SH3RF1: variants seen among roughly 807,000 people sequenced by gnomAD.
SH3RF1 encodes E3 ubiquitin-protein ligase SH3RF1.
A neutral mutation model predicts 74.0 loss-of-function variants in SH3RF1; 32 were observed. The ratio of observed to expected loss-of-function variants is 0.43; its 90% confidence interval spans 0.33 to 0.58. SH3RF1 has a LOEUF of 0.58. Among genes scored for constraint, SH3RF1 ranks in the 20% least tolerant of loss-of-function variants. SH3RF1 has a pLI of 0.05. For missense variants in SH3RF1, 954 were observed against 1,130.9 expected (o/e 0.84, Z 2.24); for synonymous variants, 396 against 439.6 (o/e 0.90, Z 1.24).
At chr4:169,131,313 G>C (rs528241897) in intron 5 of SH3RF1, among the ~76,000 whole-genome samples, 1 of 152,254 alleles carries the variant, frequency 6.6e-6, no homozygotes, top group East Asian at 1.9e-4. Flanking sequence ...TTGAAACTAA[G>C]TAGATCCAGG....
chr4:169,227,721 G>A (rs756640130), intron 2 of SH3RF1, among the ~76,000 whole-genome samples: 8 of 152,176 alleles, frequency 5.3e-5, no homozygotes, highest in Non-Finnish European at 1.0e-4. Flanking sequence ...CTTACAGGTA[G>A]AAAGACCACA....
chr4:169,096,407 CT>C lies in SH3RF1; in HGVS notation c.*111del. The C allele has an allele frequency of 8.7e-7, 1 of 1,151,398 alleles. No individual in the cohort carries two copies. The highest frequency in any genetic ancestry group is 1.2e-6 in the Non-Finnish European group (1 of 807,054). The allele number at this position is 1,151,398 out of a possible 1,614,324, so 71.3% of individuals were successfully genotyped here. On this transcript the variant is annotated 3_prime_UTR_variant, in exon 12 of 12. Transcript: ENST00000284637. The stretch of plus-strand genomic sequence containing the variant: ...GGGGCATCAGAGTCACATACCAATC[CT>C]TTGCTCATCTCCTGACCATCTGGAA...
At chr4:169,118,047 T>C (rs1261362690) in intron 8 of SH3RF1, among the ~76,000 whole-genome samples, 2 of 152,186 alleles carry the variant, frequency 1.3e-5, no homozygotes, top group Non-Finnish European at 2.9e-5. Context: ...CAGCTTTCCA[T>C]AACAAGACCA....
rs6815055 is a variant in SH3RF1, at chr4:169,159,595, G to C, written c.394-2916C>G. Among the ~76,000 whole-genome samples, 1,239 of 152,214 alleles carry C rather than the reference G, an allele frequency of 8.1e-3. 22 individuals carry two copies. The highest frequency in any genetic ancestry group is 0.028 in the African/African-American group (1,179 of 41,534). On this transcript the variant is annotated intron_variant, in intron 2 of 11. Transcript: ENST00000284637. ...TCTTTCTTCATTTGGGCTGTTGTGA[G>C]GATTTAGTGAATTCATATATATAAG...
At chr4:169,182,439 C>G (rs542069472) in intron 2 of SH3RF1, among the ~76,000 whole-genome samples, 1 of 152,218 alleles carries the variant, frequency 6.6e-6, no homozygotes, top group South Asian at 2.1e-4. Flanking sequence ...TCAAAGCATT[C>G]TTAATTTCTT....
intron 9 of SH3RF1, among the ~76,000 whole-genome samples, chr4:169,116,858 A>G (rs968500872): frequency 1.3e-5 from 2 of 152,160 alleles, no homozygotes; most frequent in Non-Finnish European, 2.9e-5. Context: ...AGTGCCTGGA[A>G]GCTCAGTTTT....
At position 169,156,502 on chromosome 4, in the gene SH3RF1, T is replaced by A; in HGVS notation, c.571A>T (p.Ile191Phe). ...GFFPTNFVQI[I>F]KPLPQPPPQC... ...GGTGGGGGCTGAGGTAACGGTTTAA[T>A]AATCTGCACAAAGTTGGTGGGGAAA... Residue 191 changes from isoleucine (I) to phenylalanine (F), a missense_variant, in exon 3 of 12, where the codon ATT becomes TTT. Transcript: ENST00000284637. 6.2e-7 allele frequency: 1 copy of A among 1,614,142 alleles called. No homozygotes were observed. The highest frequency in any genetic ancestry group is 8.5e-7 in the Non-Finnish European group (1 of 1,179,996).
At position 169,163,785 on chromosome 4, in the gene SH3RF1, A is replaced by G. The variant is rs569365883; in HGVS notation, c.394-7106T>C. 3.9e-5 allele frequency among the ~76,000 whole-genome samples: 6 copies of G among 152,292 alleles called. No individual in the cohort carries two copies. In the South Asian group the frequency reaches 8.3e-4, roughly 21 times the overall value. The stretch of plus-strand genomic sequence containing the variant: ...TGCCATCTCTCCTCCACCAAAATTC[A>G]TCGAGAACAGTCCATTTCTCCCTCC... On this transcript the variant is annotated intron_variant, in intron 2 of 11. Transcript: ENST00000284637.
intron 2 of SH3RF1, among the ~76,000 whole-genome samples, chr4:169,225,592 T>G (rs1161113624): frequency 2.0e-5 from 3 of 152,182 alleles, no homozygotes; most frequent in Non-Finnish European, 4.4e-5. Context: ...GTCTGGAGAC[T>G]GTCAAGACTG....
Position 169,117,672 on chromosome 4 carries a change from A to C in SH3RF1, c.1628T>G (p.Leu543Arg). ...ACTCCCAGCCACGCCATTTCCCTGG[A>C]GCTTCTGGGCAGGCCCTCCTGCCGT... is the stretch of plus-strand genomic sequence containing the variant. ...PSTAGGPAQK[L>R]QGNGVAGSPS... Residue 543 changes from leucine to arginine, a missense_variant, in exon 9 of 12, where the codon CTC becomes CGC. Leu to Arg is a moderately radical substitution (Grantham distance 102). This residue lies in a region of SH3RF1 where 854 missense variants were observed against 962.5 expected (regional missense o/e 0.89). Transcript: ENST00000284637. 1.2e-6 allele frequency: 2 copies of C among 1,614,124 alleles called. No individual in the cohort carries two copies. The highest frequency in any genetic ancestry group is 2.2e-5 in the East Asian group (1 of 44,866).
intron 4 of SH3RF1, among the ~76,000 whole-genome samples, chr4:169,146,232 CT>C (rs70961576): frequency 0.047 from 6,294 of 132,534 alleles, 165 homozygotes; most frequent in African/African-American, 0.069. Flanking sequence ...TATATATATA[CT>C]TTTTTTTTTT....
rs1322404665 is a variant in SH3RF1 at position 169,185,298 on chromosome 4, G to C, written c.394-28619C>G. ...AACAGCCAAGAGAGAAACAGCGGTGGGAGGCAGTGATAGCCTGCCGCTACA... is the reference window on the plus strand; with the variant it reads ...AACAGCCAAGAGAGAAACAGCGGTGCGAGGCAGTGATAGCCTGCCGCTACA... On this transcript the variant is annotated intron_variant, in intron 2 of 11. Coordinates refer to ENST00000284637, the MANE Select transcript of SH3RF1 (RefSeq NM_020870.4). Among the ~76,000 whole-genome samples the C allele has an allele frequency of 2.0e-5, 3 of 152,106 alleles. No homozygotes were observed. The East Asian group carries it at 5.8e-4, about 29-fold the overall frequency.
Position 169,122,259 on chromosome 4 carries a change from T to C in SH3RF1, c.1187A>G (p.Asn396Ser). ...GAGAGGGGGTGGTGGAAGAGGAGGA[T>C]TCAAAGTCTAGTATAGGAAAAACAT... is the stretch of plus-strand genomic sequence containing the variant. ...VPYQAALGTL[N>S]PPLPPPPLLA... is the part of the protein sequence containing the mutation. The change falls in exon 7 of 12, where the codon AAT (asparagine) becomes AGT (serine). Residue 396 changes from asparagine (N) to serine (S), a missense_variant. Transcript: ENST00000284637. 1 of 1,591,324 alleles carries C rather than the reference T, an allele frequency of 6.3e-7. No homozygotes were observed. The highest frequency in any genetic ancestry group is 8.6e-7 in the Non-Finnish European group (1 of 1,167,872).
intron 2 of SH3RF1, among the ~76,000 whole-genome samples, chr4:169,253,685 T>C (rs1223971744): frequency 4.6e-5 from 7 of 152,208 alleles, no homozygotes; most frequent in Admixed American, 4.6e-4. Flanking sequence ...AATTACTTAG[T>C]ATACAGATGA....
intron 2 of SH3RF1, chr4:169,167,081 G>A (rs1667070330): frequency 5.8e-6 from 1 of 173,258 alleles, no homozygotes; most frequent in Admixed American, 6.2e-5. Context: ...TGTTTGCCCT[G>A]ACAAATAAAA....
At chr4:169,252,103 CTT>C (rs1387981456) in intron 2 of SH3RF1, among the ~76,000 whole-genome samples, 1 of 152,192 alleles carries the variant, frequency 6.6e-6, no homozygotes, top group East Asian at 1.9e-4. Context: ...GCAATTCACT[CTT>C]GTTTCAGGTT....
intron 2 of SH3RF1, among the ~76,000 whole-genome samples, chr4:169,246,485 T>C (rs556686202): frequency 2.0e-5 from 3 of 152,326 alleles, no homozygotes; most frequent in South Asian, 2.1e-4. Flanking sequence ...TCATGCTTAA[T>C]GGCCAAAAAA....
At chr4:169,100,145 C>T (rs1338670634) in intron 11 of SH3RF1, among the ~76,000 whole-genome samples, 1 of 152,172 alleles carries the variant, frequency 6.6e-6, no homozygotes, top group Non-Finnish European at 1.5e-5. Context: ...CTGCTCCACC[C>T]TCTGCCTCAC....
At chr4:169,117,375 C>CAG (rs1444545959) in intron 9 of SH3RF1, 148 bp downstream of exon 9, 1 of 1,137,296 alleles carries the variant, frequency 8.8e-7, no homozygotes, top group African/African-American at 1.6e-5. Context: ...CCCAAATAAG[C>CAG]AGATACAAGG....
Sources: allele counts gnomAD v4.1 joint callset (sites outside exome capture counted in the v4.1 genomes callset), GRCh38; gene constraint gnomAD v4.1.1; regional missense constraint gnomAD v4.1.1; transcripts MANE v1.5; gene names NCBI Gene and HGNC (gene_info 2026-07-23, HGNC 2026-07-21).